The following SLC9A3 variants were observed in gnomAD, a reference collection of about 807,000 sequenced individuals.
The protein encoded by SLC9A3 is sodium/hydrogen exchanger 3.
In SLC9A3, 37 loss-of-function variants were observed where a neutral mutation model predicts 86.8. The ratio of observed to expected loss-of-function variants is 0.43; its 90% confidence interval spans 0.33 to 0.56. The LOEUF is 0.56. Ranked by LOEUF, SLC9A3 falls within the 20% of genes least tolerant of loss-of-function variation. SLC9A3 has a pLI of 0.06. For synonymous variants in SLC9A3, 581 were observed against 528.3 expected (o/e 1.10, Z -1.37); for missense variants, 1,011 against 1,171.9 (o/e 0.86, Z 2.00).
chr5:492,482 A>AG (rs1702011610), intron 1 of SLC9A3, among the ~76,000 whole-genome samples: 1 of 151,648 alleles, frequency 6.6e-6, no homozygotes, highest in African/African-American at 2.4e-5. Context: ...CCAGGTGATC[A>AG]GGTCCCACAG....
Position 473,175 on chromosome 5 carries a change from G to GGCGCAGGCCCCGCCCCCT in SLC9A3, c.*203_*204insAGGGGGCGGGGCCTGCGC. The GGCGCAGGCCCCGCCCCCT allele has an allele frequency of 1.7e-5, 8 of 475,192 alleles. No individual in the cohort carries two copies. Among genetic ancestry groups the GGCGCAGGCCCCGCCCCCT allele is most frequent in the Non-Finnish European group, 2.3e-5 (7 of 310,220 alleles). 29.4% of individuals were successfully genotyped at this position (475,192 alleles called of 1,614,324 possible). On this transcript the variant is annotated 3_prime_UTR_variant, in exon 17 of 17. Coordinates refer to ENST00000264938, the MANE Select transcript of SLC9A3 (RefSeq NM_004174.4). The stretch of plus-strand genomic sequence containing the variant: ...CGCCCCCGGCGCAGGCCCCGCCCCC[G>GGCGCAGGCCCCGCCCCCT]GCTCGCCCTCGGGCGGCTCTGCGGG...
Position 491,745 on chromosome 5 carries a change from G to A in SLC9A3, c.514+24C>T, listed in dbSNP as rs542564335. ...CCCGGACCCCACCCTGATCCCGGCC[G>A]GGGCAACAGTGGCGCAGACTCACCC... On this transcript the variant is annotated intron_variant, in intron 2 of 16. Transcript: ENST00000264938. The surrounding 1 kb of genome is among the most constrained non-coding windows in gnomAD (Gnocchi z 9.2). The A allele has an allele frequency of 1.1e-5, 16 of 1,491,690 alleles. No homozygotes were observed. The highest frequency in any genetic ancestry group is 5.3e-5 in the South Asian group (4 of 75,576). The allele number at this position is 1,491,690 out of a possible 1,614,324, so 92.4% of individuals were successfully genotyped here. A position where few individuals can be genotyped will look rare whatever the true frequency, so the allele number is the denominator to read the frequency against.
At chr5:500,785 A>T (rs1268726576) in intron 1 of SLC9A3, among the ~76,000 whole-genome samples, 2 of 66,284 alleles carry the variant, frequency 3.0e-5, no homozygotes, top group African/African-American at 1.2e-4. Context: ...ACATGGGGTC[A>T]GTGTGGAAGG....
chr5:485,056 G>A lies in SLC9A3; in HGVS notation c.754+97C>T, dbSNP rs990416759. On this transcript the variant is annotated intron_variant, in intron 4 of 16. Transcript: ENST00000264938. ...GAAGGGCCCAGTGTAGCAGCTTTGA[G>A]TGCAAAGCTTTTTCCTGCATGGGCT... 2.0e-5 allele frequency: 19 copies of A among 934,294 alleles called. No homozygotes were observed. In the East Asian group the frequency reaches 2.4e-4, roughly 12 times the overall value. 57.9% of individuals were successfully genotyped at this position (934,294 alleles called of 1,614,324 possible).
chr5:484,029 ACC>A lies in SLC9A3; in HGVS notation c.932+489_932+490del, dbSNP rs921340061. 1.1e-4 allele frequency among the ~76,000 whole-genome samples: 16 copies of A among 151,484 alleles called. 1 individual carries two copies. Among genetic ancestry groups the A allele is most frequent in the Admixed American group, 3.3e-4 (5 of 15,250 alleles). Reference sequence around the variant, plus strand: ...AGAGCCCGGAGCTTCTGCCACACACACCCCCGGTGTCCATGCGGCTGGCACCT... The same window carrying A: ...AGAGCCCGGAGCTTCTGCCACACACACCCGGTGTCCATGCGGCTGGCACCT... On this transcript the variant is annotated intron_variant, in intron 5 of 16. Transcript: ENST00000264938.
rs1218221246 is a variant in SLC9A3, at chr5:497,026, G to A, written c.212-4955C>T. Among the ~76,000 whole-genome samples, 1 of 152,140 alleles carries A rather than the reference G, an allele frequency of 6.6e-6. No homozygotes were observed. The highest frequency in any genetic ancestry group is 1.5e-5 in the Non-Finnish European group (1 of 68,020). ...GCCAAGATCACACCACTACATTCCA[G>A]CCTGGGCGACGGAGGCCTTGTCTCA... On this transcript the variant is annotated intron_variant, in intron 1 of 16. Coordinates refer to ENST00000264938, the MANE Select transcript of SLC9A3 (RefSeq NM_004174.4). This position sits in a 1 kb window ranked among gnomAD's most constrained non-coding sequence, Gnocchi z 5.4.
At chr5:481,690 G>C in intron 8 of SLC9A3, 55 bp from the exon 9 acceptor site, 1 of 1,443,952 alleles carries the variant, frequency 6.9e-7, no homozygotes, top group Non-Finnish European at 9.7e-7. Context: ...GGGAACATGA[G>C]GTGCCCCTCC....
chr5:500,496 C>T (rs78923399), intron 1 of SLC9A3, among the ~76,000 whole-genome samples: 2 of 101,062 alleles, frequency 2.0e-5, no homozygotes, highest in Admixed American at 2.0e-4. Flanking sequence ...GGTGTGGACA[C>T]GGGGCCAGTG....
Position 482,757 on chromosome 5 carries a change from A to G in SLC9A3, c.1154-7T>C, listed in dbSNP as rs776668556. On this transcript the variant is annotated splice_region_variant and splice_polypyrimidine_tract_variant and intron_variant, in intron 6 of 16. Coordinates refer to ENST00000264938, the MANE Select transcript of SLC9A3 (RefSeq NM_004174.4). ...CAGGTCTGCAGGACCACACCTGCGG[A>G]TGATGGGGCGGGCACTCAGCTCCCC... The G allele has an allele frequency of 6.3e-7, 1 of 1,590,766 alleles. No individual in the cohort carries two copies. Among genetic ancestry groups the G allele is most frequent in the Admixed American group, 1.8e-5 (1 of 55,858 alleles).
chr5:474,793 G>A (rs533740015), intron 16 of SLC9A3, 90 bp downstream of exon 16: 1 of 430,990 alleles, frequency 2.3e-6, no homozygotes, highest in East Asian at 3.2e-5. Flanking sequence ...GTTAGGCGGG[G>A]AGGGAGAGAG....
rs763055603 is a variant in SLC9A3 at position 476,623 on chromosome 5, G to A, written c.1810C>T (p.Arg604Ter). ...TCCGCGTCCCGGATGCTCCGCCGTC[G>A]CTGCTCCAGAGACTGCATGTCCAGG... Reference protein sequence around the residue: ...VCLDMQSLEQRRRSIRDAEDM... With the variant: ...VCLDMQSLEQ The change falls in exon 12 of 17, where the codon CGA becomes TGA. Residue 604 changes from arginine (R) to a stop codon, truncating the protein, a stop_gained. Coordinates refer to ENST00000264938, the MANE Select transcript of SLC9A3 (RefSeq NM_004174.4). LOFTEE classifies it high-confidence loss of function. 6.2e-7 allele frequency: 1 copy of A among 1,609,148 alleles called. No homozygotes were observed. The highest frequency in any genetic ancestry group is 2.2e-5 in the East Asian group (1 of 44,878).
intron 12 of SLC9A3, 49 bp from the exon 13 acceptor site, chr5:476,427 C>T: frequency 6.2e-7 from 1 of 1,608,444 alleles, no homozygotes; most frequent in Non-Finnish European, 8.5e-7. Context: ...GCCGGACATT[C>T]TCGCCCTCCT....
chr5:487,823 A>AC (rs1332588654), intron 3 of SLC9A3, among the ~76,000 whole-genome samples: 1 of 151,654 alleles, frequency 6.6e-6, no homozygotes, highest in Non-Finnish European at 1.5e-5. Flanking sequence ...GCGTGCCACC[A>AC]CCCCTGGCTA....
chr5:479,510 T>C (rs1022418003), intron 10 of SLC9A3: 1 of 322,540 alleles, frequency 3.1e-6, no homozygotes, highest in Non-Finnish European at 6.0e-6. Context: ...CAGGGCTGTA[T>C]TGGGACCAGG....
chr5:476,733 C>G (rs890976), intron 11 of SLC9A3, 61 bp from the exon 12 acceptor site: 1 of 1,576,328 alleles, frequency 6.3e-7, no homozygotes, highest in Non-Finnish European at 8.6e-7. Flanking sequence ...CTTGCGCGCC[C>G]CTCGCCTTCC....
rs1738634876 is a variant in SLC9A3 at position 475,114 on chromosome 5, A to C, written c.2270T>G (p.Phe757Cys). 2 of 1,600,036 alleles carry C rather than the reference A, an allele frequency of 1.2e-6. No individual in the cohort carries two copies. The highest frequency in any genetic ancestry group is 2.7e-5 in the African/African-American group (2 of 74,386). The change falls in exon 16 of 17, where the codon TTT becomes TGT. Residue 757 changes from phenylalanine (F) to cysteine (C), a missense_variant. Coordinates refer to ENST00000264938, the MANE Select transcript of SLC9A3 (RefSeq NM_004174.4). Reference protein sequence around the residue: ...DSPAGIDNPVFSPDEALDRSL... With the variant: ...DSPAGIDNPVCSPDEALDRSL... ...GCGGTCCAGGGCCTCGTCCGGAGAA[A>C]ACACAGGGTTGTCAATTCCTAGGAG...
At chr5:475,470 T>G in intron 15 of SLC9A3, 91 bp downstream of exon 15, 1 of 767,864 alleles carries the variant, frequency 1.3e-6, no homozygotes, top group Non-Finnish European at 2.2e-6. Context: ...CCCCCCCAGG[T>G]CCCAGTGCCC....
At chr5:505,702 G>A (rs1740538321) in intron 1 of SLC9A3, among the ~76,000 whole-genome samples, 1 of 33,592 alleles carries the variant, frequency 3.0e-5, no homozygotes, top group South Asian at 1.6e-3. Flanking sequence ...TGACTGGGGG[G>A]TGGGGTGGAG....
At chr5:484,121 CG>C (rs1262199727) in intron 5 of SLC9A3, among the ~76,000 whole-genome samples, 3 of 147,990 alleles carry the variant, frequency 2.0e-5, no homozygotes, top group African/African-American at 7.5e-5. Flanking sequence ...TGGAGAAGCT[CG>C]GGTTGGGGTC....
Sources: allele counts gnomAD v4.1 joint callset (sites outside exome capture counted in the v4.1 genomes callset), GRCh38; gene constraint gnomAD v4.1.1; non-coding constraint Gnocchi (gnomAD v3.1); transcripts MANE v1.5; gene names NCBI Gene and HGNC (gene_info 2026-07-23, HGNC 2026-07-21).